OR56A3: variants seen among roughly 807,000 people sequenced by gnomAD.
The protein encoded by OR56A3 is olfactory receptor 56A3.
In OR56A3, 23 loss-of-function variants were observed where a neutral mutation model predicts 17.5. The observed-to-expected ratio is 1.32, with a 90% CI of 0.95 to 1.87. The LOEUF is 1.87. Among genes scored for constraint, OR56A3 ranks in the 40% most tolerant of loss-of-function variants. The pLI, the probability that OR56A3 is intolerant of heterozygous loss-of-function variation, is 0.00. For missense variants in OR56A3, 366 were observed against 380.1 expected (o/e 0.96, Z 0.31); for synonymous variants, 175 against 150.6 (o/e 1.16, Z -1.19).
the OR56A3 span, chr11:6,001,948 G>T: frequency 1.7e-6 from 2 of 1,183,568 alleles, no homozygotes; most frequent in Non-Finnish European, 2.3e-6. Context: ...AACTCAGGCA[G>T]GATTTAAAGT....
the OR56A3 span, chr11:5,986,219 G>T: frequency 6.2e-7 from 1 of 1,613,738 alleles, no homozygotes; most frequent in Non-Finnish European, 8.5e-7. Context: ...TGGAGGATGT[G>T]GGCATAGGAA....
chr11:5,964,133 C>A, the OR56A3 span, among the ~76,000 whole-genome samples: 2 of 151,644 alleles, frequency 1.3e-5, no homozygotes, highest in Non-Finnish European at 2.9e-5. Context: ...TTTCTTGAAT[C>A]GTTTCTGTGT....
intron 1 of OR56A3, among the ~76,000 whole-genome samples, chr11:5,944,531 C>T (rs1361207823): frequency 1.3e-5 from 2 of 152,218 alleles, no homozygotes; most frequent in African/African-American, 4.8e-5. Flanking sequence ...GTATGCATCA[C>T]TATGGTGACA....
the OR56A3 span, among the ~76,000 whole-genome samples, chr11:6,009,499 A>C: frequency 6.6e-6 from 1 of 152,192 alleles, no homozygotes; most frequent in African/African-American, 2.4e-5. Flanking sequence ...CAAATTTAAT[A>C]TATTCAATTC....
the OR56A3 span, chr11:5,967,715 A>T: frequency 2.5e-6 from 4 of 1,613,014 alleles, no homozygotes; most frequent in Non-Finnish European, 2.5e-6. Flanking sequence ...TGATGACCAG[A>T]ACCAGCAGGA....
chr11:5,999,031 C>T, the OR56A3 span, among the ~76,000 whole-genome samples: 3 of 152,100 alleles, frequency 2.0e-5, no homozygotes, highest in East Asian at 1.9e-4. Context: ...TACGTGTTTC[C>T]GAAGGGATGC....
chr11:5,989,128 A>T, the OR56A3 span, among the ~76,000 whole-genome samples: 1 of 152,252 alleles, frequency 6.6e-6, no homozygotes, highest in African/African-American at 2.4e-5. Context: ...ACTTGAAATA[A>T]CAATGACATT....
At chr11:5,989,438 GAAGT>G in the OR56A3 span, among the ~76,000 whole-genome samples, 1 of 152,174 alleles carries the variant, frequency 6.6e-6, no homozygotes, top group Non-Finnish European at 1.5e-5. Context: ...AATAAAGTAA[GAAGT>G]AAGTAAATAA....
In OR56A3 at chr11:5,948,057, C is replaced by A; in HGVS notation, c.711C>A (p.Ala237=). ...RAVLRLKAEG[A]VAKALSTCGS... ...TGCTGAGACTCAAGGCAGAGGGTGC[C>A]GTGGCAAAGGCCCTAAGCACATGTG... The change falls in exon 3 of 3, where the codon GCC becomes GCA. Residue 237 remains alanine (A), a synonymous_variant. Transcript: ENST00000641160. 6.2e-7 allele frequency: 1 copy of A among 1,614,194 alleles called. No homozygotes were observed. Among genetic ancestry groups the A allele is most frequent in the Non-Finnish European group, 8.5e-7 (1 of 1,180,030 alleles).
At chr11:5,963,307 T>C in the OR56A3 span, among the ~76,000 whole-genome samples, 1 of 152,148 alleles carries the variant, frequency 6.6e-6, no homozygotes, top group South Asian at 2.1e-4. Flanking sequence ...TATTCATGTA[T>C]GTGTTTATTG....
chr11:5,966,207 C>CAAA, the OR56A3 span, among the ~76,000 whole-genome samples: 12 of 63,938 alleles, frequency 1.9e-4, no homozygotes, highest in African/African-American at 3.6e-4. Context: ...CCCGTCTCTA[C>CAAA]AAAAAAAAAA....
At chr11:5,981,094 A>G in the OR56A3 span, among the ~76,000 whole-genome samples, 1 of 152,148 alleles carries the variant, frequency 6.6e-6, no homozygotes, top group African/African-American at 2.4e-5. Flanking sequence ...TGTCTTTAAT[A>G]CATTTTATTT....
At chr11:5,998,246 G>T in the OR56A3 span, among the ~76,000 whole-genome samples, 18 of 152,160 alleles carry the variant, frequency 1.2e-4, no homozygotes, top group Non-Finnish European at 1.3e-4. Flanking sequence ...GCCAAGCTAT[G>T]ACTGACCATA....
the OR56A3 span, among the ~76,000 whole-genome samples, chr11:6,009,634 G>A: frequency 6.6e-6 from 1 of 152,132 alleles, no homozygotes; most frequent in East Asian, 1.9e-4. Context: ...TGCATTGTCT[G>A]TCAAATTGCC....
In OR56A3 at chr11:5,947,388, A is replaced by G; in HGVS notation, c.42A>G (p.Ser14=). 6.2e-7 allele frequency: 1 copy of G among 1,613,388 alleles called. No homozygotes were observed. The highest frequency in any genetic ancestry group is 8.5e-7 in the Non-Finnish European group (1 of 1,179,524). ...ATGACACCCTCTCCACTGAAGCTTC[A>G]GACTTCCTCTTGAATTGTTTTGTCA... The part of the protein sequence containing the change: ...HRNDTLSTEA[S]DFLLNCFVRS... Residue 14 remains serine, a synonymous_variant, in exon 3 of 3, where the codon TCA becomes TCG. Coordinates refer to ENST00000641160, the MANE Select transcript of OR56A3 (RefSeq NM_001003443.3).
At position 5,947,658 on chromosome 11, in the gene OR56A3, G is replaced by C. The variant is rs766014016; in HGVS notation, c.312G>C (p.Gln104His). 3.1e-6 allele frequency: 5 copies of C among 1,614,152 alleles called. No individual in the cohort carries two copies. In the South Asian group the frequency reaches 5.5e-5, roughly 18 times the overall value. ...RPISFPACFL[Q>H]MYIMNCFLAM... ...TCAGCTTCCCTGCCTGCTTCCTCCA[G>C]ATGTACATCATGAATTGTTTCCTAG... Residue 104 changes from glutamine (Q) to histidine (H), a missense_variant, in exon 3 of 3, where the codon CAG (glutamine) becomes CAC (histidine). Transcript: ENST00000641160.
the OR56A3 span, among the ~76,000 whole-genome samples, chr11:6,008,891 T>C: frequency 6.6e-6 from 1 of 152,128 alleles, no homozygotes; most frequent in Non-Finnish European, 1.5e-5. Context: ...TAAATCTTCA[T>C]TGAGATATTA....
At chr11:5,943,043 G>GTTT (rs1847848352) in intron 1 of OR56A3, among the ~76,000 whole-genome samples, 4 of 152,170 alleles carry the variant, frequency 2.6e-5, no homozygotes, top group African/African-American at 9.7e-5. Context: ...AAGCCCTAGT[G>GTTT]TGCCATTGGC....
the OR56A3 span, among the ~76,000 whole-genome samples, chr11:6,017,618 T>C: frequency 4.6e-5 from 7 of 152,120 alleles, no homozygotes; most frequent in Admixed American, 3.3e-4. Context: ...CAATTCGACA[T>C]GAGATTTGGG....
Sources: allele counts gnomAD v4.1 joint callset (sites outside exome capture counted in the v4.1 genomes callset), GRCh38; gene constraint gnomAD v4.1.1; transcripts MANE v1.5; gene names NCBI Gene and HGNC (gene_info 2026-07-23, HGNC 2026-07-21).